COL28A1: variants seen among roughly 807,000 people sequenced by gnomAD.
The protein encoded by COL28A1 is collagen alpha-1(XXVIII) chain.
In COL28A1, 161 loss-of-function variants were observed where a neutral mutation model predicts 150.2. That is an observed-to-expected ratio of 1.07 (90% CI 0.94 to 1.22). The LOEUF (loss-of-function observed/expected upper bound fraction) is 1.22, where lower values mean the gene tolerates loss of function less well. Among genes scored for constraint, COL28A1 ranks in the 50% most tolerant of loss-of-function variants. The probability of loss-of-function intolerance (pLI) is 0.00; values close to 1 mark genes in which losing one functional copy is unlikely to be tolerated. For missense variants in COL28A1, 1,617 were observed against 1,388.3 expected (o/e 1.16, Z -2.62); for synonymous variants, 552 against 469.7 (o/e 1.18, Z -2.26).
chr7:7,458,170 A>T (rs1445495184), intron 15 of COL28A1, among the ~76,000 whole-genome samples: 2 of 152,228 alleles, frequency 1.3e-5, no homozygotes, highest in African/African-American at 2.4e-5. Context: ...TAATCCCAGC[A>T]CTTTGGGAGG....
At chr7:7,484,720 G>C (rs1362370216) in intron 13 of COL28A1, among the ~76,000 whole-genome samples, 2 of 152,024 alleles carry the variant, frequency 1.3e-5, no homozygotes, top group Non-Finnish European at 2.9e-5. Flanking sequence ...AAACATGTTA[G>C]GAATCAACCT....
At position 7,417,528 on chromosome 7, in the gene COL28A1, GGGAGGGAGGGA is replaced by G. The variant is rs1372914852; in HGVS notation, c.2136+320_2136+330del. 4.0e-3 allele frequency: 494 copies of G among 122,390 alleles called. 1 individual carries two copies. The highest frequency in any genetic ancestry group is 0.012 in the East Asian group (18 of 1,552). The allele number at this position is 122,390 out of a possible 1,614,324, so 7.6% of individuals were successfully genotyped here. A position where few individuals can be genotyped will look rare whatever the true frequency, so the allele number is the denominator to read the frequency against. The stretch of plus-strand genomic sequence containing the variant: ...GGGGGAGGGAAGGAGGGAGGGGGGA[GGGAGGGAGGGA>G]GGGGGGGGGGAGAGAGAGAGAGAGA... On this transcript the variant is annotated intron_variant, in intron 27 of 34. Coordinates refer to ENST00000399429, the MANE Select transcript of COL28A1 (RefSeq NM_001037763.3).
intron 9 of COL28A1, among the ~76,000 whole-genome samples, chr7:7,509,803 C>T (rs1433890858): frequency 6.6e-6 from 1 of 152,116 alleles, no homozygotes; most frequent in Admixed American, 6.5e-5. Flanking sequence ...CTATGTGTGT[C>T]CCTTTTTCTG....
chr7:7,527,448 G>A (rs1782089807), intron 3 of COL28A1, among the ~76,000 whole-genome samples: 1 of 152,214 alleles, frequency 6.6e-6, no homozygotes, highest in Non-Finnish European at 1.5e-5. Flanking sequence ...AAGTCATAAG[G>A]ACTAGTGTGG....
chr7:7,378,078 C>T (rs1781660614), intron 30 of COL28A1, among the ~76,000 whole-genome samples: 1 of 152,018 alleles, frequency 6.6e-6, no homozygotes, highest in African/African-American at 2.4e-5. Flanking sequence ...ATAAGACATC[C>T]ACCTAGAGAT....
At chr7:7,366,937 T>C (rs1439894362) in intron 33 of COL28A1, among the ~76,000 whole-genome samples, 1 of 152,236 alleles carries the variant, frequency 6.6e-6, no homozygotes, top group Non-Finnish European at 1.5e-5. Context: ...ATAAATATGT[T>C]CTTGTATGTG....
intron 27 of COL28A1, among the ~76,000 whole-genome samples, chr7:7,388,414 C>T (rs929655659): frequency 6.6e-6 from 1 of 152,026 alleles, no homozygotes; most frequent in African/African-American, 2.4e-5. Flanking sequence ...CCATCATTAA[C>T]GGGCATTTGG....
the COL28A1 span, among the ~76,000 whole-genome samples, chr7:7,350,380 C>T: frequency 2.6e-5 from 4 of 152,170 alleles, no homozygotes; most frequent in South Asian, 8.3e-4. Context: ...GAGAGTGAGA[C>T]AAGACATATG....
At chr7:7,521,596 T>C (rs1449538119) in intron 5 of COL28A1, among the ~76,000 whole-genome samples, 1 of 152,364 alleles carries the variant, frequency 6.6e-6, no homozygotes, top group East Asian at 1.9e-4. Flanking sequence ...ATTAGCTTTT[T>C]CTGTATTCAC....
upstream of COL28A1, among the ~76,000 whole-genome samples, chr7:7,536,160 G>A (rs1477848356): frequency 1.3e-5 from 2 of 151,958 alleles, no homozygotes; most frequent in African/African-American, 2.4e-5. Context: ...CTAAGATACT[G>A]GTTCTGAACA....
At chr7:7,452,223 AACAC>A (rs930115544) in intron 18 of COL28A1, 92 bp downstream of exon 18, 2 of 1,519,540 alleles carry the variant, frequency 1.3e-6, no homozygotes, top group African/African-American at 1.4e-5. Context: ...AGAGTTAGAT[AACAC>A]ACACAGAGTC....
intron 27 of COL28A1, among the ~76,000 whole-genome samples, chr7:7,413,676 G>C (rs1185822947): frequency 6.6e-6 from 1 of 152,150 alleles, no homozygotes; most frequent in East Asian, 1.9e-4. Flanking sequence ...TTAAAATTCT[G>C]TGTGGAAGAA....
At chr7:7,388,614 C>A (rs578144423) in intron 27 of COL28A1, among the ~76,000 whole-genome samples, 2 of 92,114 alleles carry the variant, frequency 2.2e-5, no homozygotes, top group African/African-American at 6.0e-5. Flanking sequence ...CTAATTTACA[C>A]TCCCACCAAC....
At chr7:7,413,495 G>A (rs566069337) in intron 27 of COL28A1, among the ~76,000 whole-genome samples, 15 of 152,236 alleles carry the variant, frequency 9.9e-5, no homozygotes, top group South Asian at 2.1e-4. Context: ...AAGTACAGCC[G>A]CGCAACTAGT....
At chr7:7,415,914 T>A (rs1784051628) in intron 27 of COL28A1, among the ~76,000 whole-genome samples, 1 of 152,278 alleles carries the variant, frequency 6.6e-6, no homozygotes, top group South Asian at 2.1e-4. Context: ...GCGATTCTCA[T>A]GCCTCAGCCT....
At chr7:7,365,368 C>A (rs1242921150) in intron 33 of COL28A1, among the ~76,000 whole-genome samples, 1 of 135,628 alleles carries the variant, frequency 7.4e-6, no homozygotes, top group Non-Finnish European at 1.7e-5. Flanking sequence ...AGCAGGGACA[C>A]CATAGTAAAA....
At chr7:7,491,437 C>T (rs1357307265) in intron 11 of COL28A1, among the ~76,000 whole-genome samples, 2 of 152,222 alleles carry the variant, frequency 1.3e-5, no homozygotes, top group Admixed American at 6.5e-5. Flanking sequence ...GGCCTGGCTC[C>T]TGGATACCCT....
rs372248641 is a variant in COL28A1 at position 7,531,455 on chromosome 7, T to C, written c.574A>G (p.Thr192Ala). The C allele has an allele frequency of 6.3e-7, 1 of 1,597,434 alleles. No individual in the cohort carries two copies. The highest frequency in any genetic ancestry group is 8.6e-7 in the Non-Finnish European group (1 of 1,164,994). Residue 192 changes from threonine (T) to alanine (A), a missense_variant, in exon 3 of 35, where the codon ACG becomes GCG. Thr to Ala is a moderately conservative substitution (Grantham distance 58). Coordinates refer to ENST00000399429, the MANE Select transcript of COL28A1 (RefSeq NM_001037763.3). The stretch of plus-strand genomic sequence containing the variant: ...CGAAGTTTGGCTTCATTGACTACCG[T>C]AGAAAGTGCAATGGTGATAAATGAT... The part of the protein sequence containing the change: ...GISFITIALS[T>A]VVNEAKLRLI...
chr7:7,499,022 G>A (rs182269306), intron 11 of COL28A1, among the ~76,000 whole-genome samples: 39 of 152,128 alleles, frequency 2.6e-4, no homozygotes, highest in African/African-American at 8.9e-4. Flanking sequence ...CATCCCACAT[G>A]TTCTGGCAGC....
Sources: allele counts gnomAD v4.1 joint callset (sites outside exome capture counted in the v4.1 genomes callset), GRCh38; gene constraint gnomAD v4.1.1; transcripts MANE v1.5; gene names NCBI Gene and HGNC (gene_info 2026-07-23, HGNC 2026-07-21).